The following ST3GAL3 variants were observed in gnomAD, a reference collection of about 807,000 sequenced individuals.
The protein encoded by ST3GAL3 is ST3 beta-galactoside alpha-2,3-sialyltransferase 3.
Under a neutral mutation model 50.1 loss-of-function variants are expected in ST3GAL3, and 21 were observed. The observed-to-expected ratio is 0.42, with a 90% CI of 0.30 to 0.60. The LOEUF is 0.60. Among genes scored for constraint, ST3GAL3 ranks in the 20% least tolerant of loss-of-function variants. The probability of loss-of-function intolerance (pLI) is 0.19; values close to 1 mark genes in which losing one functional copy is unlikely to be tolerated. For synonymous variants in ST3GAL3, 183 were observed against 190.0 expected (o/e 0.96, Z 0.30); for missense variants, 353 against 489.4 (o/e 0.72, Z 2.63).
chr1:43,851,973 A>G (rs574367988), intron 5 of ST3GAL3, among the ~76,000 whole-genome samples: 1 of 152,018 alleles, frequency 6.6e-6, no homozygotes, highest in Admixed American at 6.5e-5. Context: ...TTACCTTTTT[A>G]AAAAAAATCC....
chr1:43,795,670 TTC>T (rs1281290184), intron 3 of ST3GAL3, among the ~76,000 whole-genome samples: 3 of 152,184 alleles, frequency 2.0e-5, no homozygotes, highest in Non-Finnish European at 4.4e-5. Flanking sequence ...TTGACTTTCT[TTC>T]TGTTAGTGTA....
intron 6 of ST3GAL3, among the ~76,000 whole-genome samples, chr1:43,896,408 G>A (rs963860125): frequency 6.6e-6 from 1 of 152,144 alleles, no homozygotes; most frequent in African/African-American, 2.4e-5. Context: ...AAGCATTGAT[G>A]TACCTTCTAC....
intron 2 of ST3GAL3, among the ~76,000 whole-genome samples, chr1:43,747,301 A>C (rs1684158300): frequency 2.0e-5 from 3 of 151,724 alleles, no homozygotes; most frequent in African/African-American, 7.2e-5. Context: ...AATCCCAGCT[A>C]CTCGGGAGGC....
chr1:43,862,767 T>A (rs57688905), intron 5 of ST3GAL3, among the ~76,000 whole-genome samples: 6,236 of 148,104 alleles, frequency 0.042, 446 homozygotes, highest in African/African-American at 0.15. Context: ...AAAAAAAAAA[T>A]TTAATTAGCA....
At chr1:43,710,002 TCTTA>T (rs1663806345) in intron 1 of ST3GAL3, among the ~76,000 whole-genome samples, 1 of 152,070 alleles carries the variant, frequency 6.6e-6, no homozygotes, top group Admixed American at 6.6e-5. Context: ...TCAAGTTTAT[TCTTA>T]CTTTTCTTCT....
rs1252282418 is a variant in ST3GAL3 at position 43,894,488 on chromosome 1, A to G, written c.397+11A>G. ...GGATCAAAGGTCAAGGTATGTTGGG[A>G]ACCCTGACCTACATTAACATCTCAT... On this transcript the variant is annotated intron_variant, in intron 6 of 11. Transcript: ENST00000347631. 1.2e-6 allele frequency: 2 copies of G among 1,611,570 alleles called. No homozygotes were observed. The highest frequency in any genetic ancestry group is 4.5e-5 in the East Asian group (2 of 44,866).
At chr1:43,803,802 C>T (rs1417156015) in intron 3 of ST3GAL3, among the ~76,000 whole-genome samples, 3 of 152,228 alleles carry the variant, frequency 2.0e-5, no homozygotes, top group African/African-American at 7.2e-5. Context: ...GCATTCACAG[C>T]TCTGACTTGG....
chr1:43,797,982 C>T (rs2058875216), intron 3 of ST3GAL3, among the ~76,000 whole-genome samples: 1 of 152,138 alleles, frequency 6.6e-6, no homozygotes, highest in Admixed American at 6.5e-5. Context: ...ATAGCAGCTT[C>T]CCGAAACCAA....
rs117739509 is a variant in ST3GAL3 at position 43,880,270 on chromosome 1, C to T, written c.303-14113C>T. 1.3e-3 allele frequency among the ~76,000 whole-genome samples: 195 copies of T among 152,242 alleles called. 2 individuals carry two copies. The East Asian group carries it at 0.036, about 28-fold the overall frequency. On this transcript the variant is annotated intron_variant, in intron 5 of 11. Transcript: ENST00000347631. ...CCATGGTGACTGTCCCAAATCTTTC[C>T]TATTCATAAGTCCCTACAGTCTACA...
At chr1:43,742,378 G>T (rs1027179462) in intron 2 of ST3GAL3, among the ~76,000 whole-genome samples, 1 of 151,642 alleles carries the variant, frequency 6.6e-6, no homozygotes, top group Non-Finnish European at 1.5e-5. Context: ...ATCAAGAGAG[G>T]TCAAAAATGC....
chr1:43,725,935 G>A (rs1395455903), intron 1 of ST3GAL3, among the ~76,000 whole-genome samples: 1 of 152,138 alleles, frequency 6.6e-6, no homozygotes, highest in African/African-American at 2.4e-5. Context: ...GTGAGCCATC[G>A]CACCCAGCCT....
At chr1:43,893,167 T>A (rs1229884442) in intron 5 of ST3GAL3, among the ~76,000 whole-genome samples, 2 of 152,222 alleles carry the variant, frequency 1.3e-5, no homozygotes, top group Non-Finnish European at 2.9e-5. Flanking sequence ...CTCCTGGGAC[T>A]GCTGGTTATA....
At chr1:43,751,441 A>G in intron 2 of ST3GAL3, among the ~76,000 whole-genome samples, 1 of 152,208 alleles carries the variant, frequency 6.6e-6, no homozygotes, top group East Asian at 1.9e-4. Context: ...TGCATTGTTT[A>G]TAAGAAAAAA....
chr1:43,848,583 G>A (rs2066702435), intron 5 of ST3GAL3, among the ~76,000 whole-genome samples: 1 of 152,046 alleles, frequency 6.6e-6, no homozygotes, highest in African/African-American at 2.4e-5. Context: ...AGGATTACAG[G>A]TGTGAGCCAC....
intron 4 of ST3GAL3, among the ~76,000 whole-genome samples, chr1:43,829,114 C>T (rs1424655009): frequency 6.6e-6 from 1 of 151,562 alleles, no homozygotes; most frequent in Admixed American, 6.6e-5. Flanking sequence ...AAAAACACTA[C>T]TAAGGGCTTT....
At chr1:43,851,150 A>T in intron 5 of ST3GAL3, 2 of 1,307,412 alleles carry the variant, frequency 1.5e-6, no homozygotes, top group East Asian at 4.6e-5. Context: ...TGCACTGATC[A>T]GCTTCGGGTG....
chr1:43,835,057 C>G (rs912551147), intron 4 of ST3GAL3, among the ~76,000 whole-genome samples: 49 of 152,154 alleles, frequency 3.2e-4, no homozygotes, highest in African/African-American at 1.1e-3. Flanking sequence ...AGTGGTAACA[C>G]TCTTCACCCC....
Position 43,838,254 on chromosome 1 carries a change from C to T in ST3GAL3, c.245C>T (p.Ser82Leu). Residue 82 changes from serine to leucine, a missense_variant, in exon 5 of 12, where the codon TCA (serine) becomes TTA (leucine). Ser to Leu is a moderately radical substitution (Grantham distance 145). Coordinates refer to ENST00000347631, the MANE Select transcript of ST3GAL3 (RefSeq NM_006279.5). ...TTAGCCACCAAGTACGCAAACTTTT[C>T]AGAGGGAGCTTGCAAGCCTGGCTAT... ...AELATKYANFSEGACKPGYAS... is the reference protein window; with the variant it reads ...AELATKYANFLEGACKPGYAS... The T allele has an allele frequency of 6.2e-7, 1 of 1,613,206 alleles. No individual in the cohort carries two copies. Among genetic ancestry groups the T allele is most frequent in the South Asian group, 1.1e-5 (1 of 91,070 alleles).
At chr1:43,819,902 G>T (rs1311083057) in intron 4 of ST3GAL3, among the ~76,000 whole-genome samples, 1 of 152,068 alleles carries the variant, frequency 6.6e-6, no homozygotes, top group African/African-American at 2.4e-5. Context: ...AATTTGTTTA[G>T]GGTAATGACT....
Sources: allele counts gnomAD v4.1 joint callset (sites outside exome capture counted in the v4.1 genomes callset), GRCh38; gene constraint gnomAD v4.1.1; transcripts MANE v1.5; gene names NCBI Gene and HGNC (gene_info 2026-07-23, HGNC 2026-07-21).